SLC6A15: variants seen among roughly 807,000 people sequenced by gnomAD.
SLC6A15 encodes the protein solute carrier family 6 member 15.
In SLC6A15, 33 loss-of-function variants were observed where a neutral mutation model predicts 68.5. The observed-to-expected ratio is 0.48, with a 90% CI of 0.37 to 0.64. SLC6A15 has a LOEUF of 0.64. Among genes scored for constraint, SLC6A15 ranks in the 30% least tolerant of loss-of-function variants. SLC6A15 has a pLI of 0.00. For synonymous variants in SLC6A15, 347 were observed against 301.0 expected, an observed-to-expected ratio of 1.15 and a Z score of -1.58; for missense variants, 747 against 874.3, an observed-to-expected ratio of 0.85 and a Z score of 1.84.
At chr12:84,863,887 G>A (rs1241708154) in intron 10 of SLC6A15, among the ~76,000 whole-genome samples, 1 of 151,112 alleles carries the variant, frequency 6.6e-6, no homozygotes, top group African/African-American at 2.4e-5. Flanking sequence ...AAAATTTCTT[G>A]TCTCTTTTTT....
At chr12:84,863,755 G>A (rs1380745988) in intron 10 of SLC6A15, among the ~76,000 whole-genome samples, 154 bp from the exon 11 acceptor site, 1 of 152,006 alleles carries the variant, frequency 6.6e-6, no homozygotes, top group Non-Finnish European at 1.5e-5. Flanking sequence ...TGACTATAAA[G>A]TAAAATGAAG....
chr12:84,901,997 G>A (rs7973283), intron 1 of SLC6A15, among the ~76,000 whole-genome samples: 74,903 of 151,476 alleles, frequency 0.49, 21,470 homozygotes, highest in African/African-American at 0.78. Context: ...AATTGTCACC[G>A]TATGCCAATT....
chr12:84,879,941 A>T (rs185312351), intron 5 of SLC6A15, among the ~76,000 whole-genome samples: 16 of 152,326 alleles, frequency 1.1e-4, no homozygotes, highest in African/African-American at 3.8e-4. Flanking sequence ...AATTCCTAAA[A>T]TTGCAAGCTT....
At chr12:84,879,957 T>C (rs1871744903) in intron 5 of SLC6A15, among the ~76,000 whole-genome samples, 1 of 152,194 alleles carries the variant, frequency 6.6e-6, no homozygotes, top group African/African-American at 2.4e-5. Context: ...AGCTTATGGT[T>C]ATTCTGCAGT....
intron 6 of SLC6A15, among the ~76,000 whole-genome samples, chr12:84,876,242 A>T (rs1384467570): frequency 1.3e-5 from 2 of 152,094 alleles, no homozygotes; most frequent in Admixed American, 1.3e-4. Flanking sequence ...TAAATTTATT[A>T]TAAAAGAGAG....
At chr12:84,869,118 GTA>G (rs747723322) in intron 9 of SLC6A15, among the ~76,000 whole-genome samples, 13 of 152,018 alleles carry the variant, frequency 8.6e-5, no homozygotes, top group Non-Finnish European at 1.6e-4. Context: ...AATGATAAAG[GTA>G]TATATTTGAG....
chr12:84,901,964 A>G (rs1484994690), intron 1 of SLC6A15, among the ~76,000 whole-genome samples: 1 of 151,844 alleles, frequency 6.6e-6, no homozygotes, highest in Non-Finnish European at 1.5e-5. Context: ...CAAAATTTGG[A>G]CCATACTGTA....
Position 84,876,504 on chromosome 12 carries a change from G to T in SLC6A15, c.860C>A (p.Thr287Asn), listed in dbSNP as rs1309369997. 5 of 1,558,208 alleles carry T rather than the reference G, an allele frequency of 3.2e-6. No homozygotes were observed. The highest frequency in any genetic ancestry group is 2.3e-5 in the East Asian group (1 of 43,946). ...GSIDGIRHMF[T>N]PKLEIMLEPK... ...TAGAAATATGGTACATACCTTAGGG[G>T]TAAACATGTGGCGAATGCCATCAAT... The change falls in exon 6 of 12, where the codon ACC (threonine) becomes AAC (asparagine). Residue 287 changes from threonine (T) to asparagine (N), a missense_variant. Coordinates refer to ENST00000266682, the MANE Select transcript of SLC6A15 (RefSeq NM_182767.6).
chr12:84,895,840 C>A (rs1036994376), intron 1 of SLC6A15, among the ~76,000 whole-genome samples: 1 of 152,072 alleles, frequency 6.6e-6, no homozygotes, highest in Non-Finnish European at 1.5e-5. Flanking sequence ...TGAAGGATAA[C>A]CATTTTTATA....
intron 1 of SLC6A15, among the ~76,000 whole-genome samples, chr12:84,909,612 T>C (rs111750234): frequency 0.021 from 3,123 of 152,266 alleles, 117 homozygotes; most frequent in African/African-American, 0.069. Context: ...ATTAATACTA[T>C]CTGCTGAGAA....
rs1011744921 is a variant in SLC6A15 at position 84,876,547 on chromosome 12, A to G, written c.817T>C (p.Phe273Leu). Reference sequence around the variant, plus strand: ...CCATCAATTGAACCATTTAAAAGGAATGCTCTGATGAGGAAGCAAATAAGT... The same window carrying G: ...CCATCAATTGAACCATTTAAAAGGAGTGCTCTGATGAGGAAGCAAATAAGT... ...VVLICFLIRA[F>L]LLNGSIDGIR... The change falls in exon 6 of 12, where the codon TTC (phenylalanine) becomes CTC (leucine). Residue 273 changes from phenylalanine to leucine, a missense_variant. Physicochemically the swap from Phe to Leu is conservative, Grantham distance 22 (BLOSUM62 0). Coordinates refer to ENST00000266682, the MANE Select transcript of SLC6A15 (RefSeq NM_182767.6). 3 of 1,601,282 alleles carry G rather than the reference A, an allele frequency of 1.9e-6. No homozygotes were observed. Among genetic ancestry groups the G allele is most frequent in the Middle Eastern group, 3.3e-4 (2 of 6,020 alleles).
At position 84,861,692 on chromosome 12, in the gene SLC6A15, C is replaced by A. The variant is rs766442742; in HGVS notation, c.2133G>T (p.Arg711=). ...CTGCCATCAAGTACCCTATTCCATA[C>A]CGTCCATTGGGAGCAGTATCCAGAG... ...SPTLDTAPNG[R]YGIGYLMADI... The change falls in exon 12 of 12, where the codon CGG becomes CGT. Residue 711 remains arginine, a synonymous_variant. Coordinates refer to ENST00000266682, the MANE Select transcript of SLC6A15 (RefSeq NM_182767.6). 15 of 1,613,686 alleles carry A rather than the reference C, an allele frequency of 9.3e-6. No individual in the cohort carries two copies. Among genetic ancestry groups the A allele is most frequent in the Non-Finnish European group, 1.3e-5 (15 of 1,179,810 alleles).
At chr12:84,880,825 A>T in intron 5 of SLC6A15, 1 of 793,196 alleles carries the variant, frequency 1.3e-6, no homozygotes, top group Non-Finnish European at 1.5e-6. Context: ...AAGTGTTTAA[A>T]AAATCGAAAA....
intron 1 of SLC6A15, among the ~76,000 whole-genome samples, chr12:84,899,814 T>C (rs1211100931): frequency 1.3e-5 from 2 of 152,168 alleles, no homozygotes; most frequent in African/African-American, 4.8e-5. Context: ...GTTATCTTCA[T>C]ATATTTTTCA....
chr12:84,886,694 A>C (rs1872120334), intron 2 of SLC6A15, among the ~76,000 whole-genome samples: 1 of 152,160 alleles, frequency 6.6e-6, no homozygotes, highest in African/African-American at 2.4e-5. Context: ...TTCCAAAATT[A>C]TCAGAAAAGG....
At chr12:84,894,113 AT>A (rs1872537678) in intron 1 of SLC6A15, among the ~76,000 whole-genome samples, 1 of 152,116 alleles carries the variant, frequency 6.6e-6, no homozygotes, top group African/African-American at 2.4e-5. Context: ...AATTTATATT[AT>A]TTTCCCCTAC....
At chr12:84,885,705 T>C in intron 3 of SLC6A15, 144 bp from the exon 4 acceptor site, 1 of 1,071,298 alleles carries the variant, frequency 9.3e-7, no homozygotes, top group African/African-American at 1.6e-5. Context: ...TTCTAAAAAG[T>C]TAATGTCTTT....
In SLC6A15 at chr12:84,872,645, G is replaced by A. The variant is rs759900549; in HGVS notation, c.1259C>T (p.Ala420Val). Reference sequence around the variant, plus strand: ...AATTTTACAGGAATTGAGATGAAGAGCAGGAAACTCTTCTTCTTTCACTTT... The same window carrying A: ...AATTTTACAGGAATTGAGATGAAGAACAGGAAACTCTTCTTCTTTCACTTT... ...IQKVKEEEFP[A>V]LHLNSCKIEE... Residue 420 changes from alanine to valine, a missense_variant, in exon 8 of 12, where the codon GCT (alanine) becomes GTT (valine). Coordinates refer to ENST00000266682, the MANE Select transcript of SLC6A15 (RefSeq NM_182767.6). 5 of 1,610,794 alleles carry A rather than the reference G, an allele frequency of 3.1e-6. 1 individual carries two copies. Among genetic ancestry groups the A allele is most frequent in the Non-Finnish European group, 4.2e-6 (5 of 1,179,312 alleles).
At chr12:84,910,039 T>A (rs868239996) in intron 1 of SLC6A15, among the ~76,000 whole-genome samples, 57 of 152,316 alleles carry the variant, frequency 3.7e-4, no homozygotes, top group African/African-American at 1.2e-3. Context: ...ATCTGATTAT[T>A]GGCATCTCTC....
Sources: allele counts gnomAD v4.1 joint callset (sites outside exome capture counted in the v4.1 genomes callset), GRCh38; gene constraint gnomAD v4.1.1; transcripts MANE v1.5; gene names NCBI Gene and HGNC (gene_info 2026-07-23, HGNC 2026-07-21).